Variants in PDK3 observed in about 807,000 individuals in gnomAD.
PDK3 encodes the protein pyruvate dehydrogenase kinase 3.
A neutral mutation model predicts 32.0 loss-of-function variants in PDK3; 12 were observed. That is an observed-to-expected ratio of 0.37 (90% CI 0.24 to 0.61). The LOEUF is 0.61. Ranked by LOEUF, PDK3 falls within the 20% of genes least tolerant of loss-of-function variation. The pLI, the probability that PDK3 is intolerant of heterozygous loss-of-function variation, is 0.65. For synonymous variants in PDK3, 122 were observed against 116.3 expected (o/e 1.05, Z -0.31); for missense variants, 188 against 316.9 (o/e 0.59, Z 3.09).
At chrX:24,491,217 G>A (rs1050503340) in intron 1 of PDK3, among the ~76,000 whole-genome samples, 4 of 107,090 alleles carry the variant, frequency 3.7e-5, no homozygotes, top group Non-Finnish European at 7.7e-5. Context: ...CAGAGGCTGA[G>A]GCAGGGAGAA....
Position 24,480,989 on chromosome X carries a change from T to G in PDK3, c.107-13753T>G, listed in dbSNP as rs188677025. The stretch of plus-strand genomic sequence containing the variant: ...TTATCCAAAATGTTGTTGGAGGCTT[T>G]CTGGATGGAGATCACAAAGAGAAGA... On this transcript the variant is annotated intron_variant, in intron 1 of 10. Transcript: ENST00000379162. Among the ~76,000 whole-genome samples the G allele has an allele frequency of 3.6e-5, 4 of 111,870 alleles. No individual in the cohort carries two copies. The East Asian group carries it at 1.1e-3, about 31-fold the overall frequency.
chrX:24,532,951 G>A (rs1250400877), intron 10 of PDK3, among the ~76,000 whole-genome samples: 2 of 110,184 alleles, frequency 1.8e-5, no homozygotes, highest in Non-Finnish European at 3.8e-5. Context: ...GAGCGCCAAC[G>A]TGATGCTTGC....
chrX:24,543,762 T>G (rs1012960111), exon 12 of PDK3, among the ~76,000 whole-genome samples: 1 of 112,285 alleles, frequency 8.9e-6, no homozygotes, highest in Non-Finnish European at 1.9e-5. Flanking sequence ...TTTCATTTTT[T>G]ATCTCTTTCT....
chrX:24,549,359 A>G (rs1047474998), exon 12 of PDK3: 1 of 112,067 alleles, frequency 8.9e-6, no homozygotes, highest in African/African-American at 3.2e-5. Flanking sequence ...ATTTTGACCA[A>G]TGAATTGTGC....
chrX:24,513,806 T>A (rs1338687913), intron 5 of PDK3: 2 of 111,908 alleles, frequency 1.8e-5, no homozygotes, highest in African/African-American at 6.5e-5. Flanking sequence ...TATTACCAGA[T>A]GACAGTAAAT....
chrX:24,505,203 G>T lies in PDK3; in HGVS notation c.506-6G>T. 8.4e-7 allele frequency: 1 copy of T among 1,189,983 alleles called. No homozygotes were observed. The highest frequency in any genetic ancestry group is 1.1e-6 in the Non-Finnish European group (1 of 878,823). On this transcript the variant is annotated splice_region_variant and splice_polypyrimidine_tract_variant and intron_variant, in intron 4 of 10. Transcript: ENST00000379162. ...ATCCCCTCCCTTTCCTTTTGTGTTC[G>T]TCTAGCACTTCTGTTTGGGGGTGAC...
chrX:24,543,677 G>A (rs1446780569), exon 12 of PDK3, among the ~76,000 whole-genome samples: 5 of 110,883 alleles, frequency 4.5e-5, no homozygotes, highest in East Asian at 5.7e-4. Context: ...TCAAACTCCC[G>A]ACCTCAAGTG....
At chrX:24,536,688 G>A (rs759733421), downstream of PDK3, among the ~76,000 whole-genome samples, 1 of 111,064 alleles carries the variant, frequency 9.0e-6, no homozygotes, top group South Asian at 3.8e-4. Flanking sequence ...ATAGTAAAGT[G>A]CACACATCTT....
At chrX:24,478,353 A>G (rs1326113185) in intron 1 of PDK3, among the ~76,000 whole-genome samples, 1 of 111,659 alleles carries the variant, frequency 9.0e-6, no homozygotes, top group East Asian at 2.8e-4. Context: ...CCAGCTACTC[A>G]GGAGGCTGAG....
At chrX:24,537,366 C>A (rs777937388), downstream of PDK3, among the ~76,000 whole-genome samples, 28 of 102,013 alleles carry the variant, frequency 2.7e-4, 1 homozygote, top group Admixed American at 2.8e-3. Flanking sequence ...CTCCTGACCT[C>A]AGGTGATCTG....
At chrX:24,491,177 G>C (rs1921548378) in intron 1 of PDK3, among the ~76,000 whole-genome samples, 1 of 108,968 alleles carries the variant, frequency 9.2e-6, no homozygotes, top group Non-Finnish European at 1.9e-5. Flanking sequence ...AGCCGGGCAT[G>C]GTGGCGGATG....
chrX:24,545,400 G>A (rs990486525), exon 12 of PDK3: 2 of 112,314 alleles, frequency 1.8e-5, no homozygotes, highest in Non-Finnish European at 3.8e-5. Context: ...AGCACACTGA[G>A]TTAATGTTTT....
At chrX:24,490,943 A>C (rs5986489) in intron 1 of PDK3, among the ~76,000 whole-genome samples, 42,172 of 109,586 alleles carry the variant, frequency 0.38, 6,259 homozygotes, top group African/African-American at 0.53. Context: ...TACTGATACT[A>C]CCAGTTTCAG....
At chrX:24,474,904 C>A (rs1921073299) in intron 1 of PDK3, among the ~76,000 whole-genome samples, 1 of 112,131 alleles carries the variant, frequency 8.9e-6, no homozygotes, top group Non-Finnish European at 1.9e-5. Context: ...CGCATTCTTA[C>A]TATTCTTAAA....
intron 6 of PDK3, among the ~76,000 whole-genome samples, chrX:24,522,508 T>C (rs1922422200): frequency 9.0e-6 from 1 of 111,333 alleles, no homozygotes; most frequent in Non-Finnish European, 1.9e-5. Flanking sequence ...TTCTTGAGAT[T>C]TGGGGTGAAA....
intron 1 of PDK3, among the ~76,000 whole-genome samples, chrX:24,487,912 A>G (rs1207854856): frequency 9.4e-6 from 1 of 105,908 alleles, no homozygotes; most frequent in East Asian, 3.0e-4. Flanking sequence ...GGTACTTACT[A>G]TCAATCACTT....
chrX:24,518,210 G>A (rs994084688), intron 5 of PDK3, among the ~76,000 whole-genome samples: 2 of 111,472 alleles, frequency 1.8e-5, no homozygotes, highest in East Asian at 2.8e-4. Context: ...AGCCAGGCAC[G>A]GTGGCTCATG....
chrX:24,469,662 C>T (rs1449251914), intron 1 of PDK3, among the ~76,000 whole-genome samples: 1 of 110,105 alleles, frequency 9.1e-6, no homozygotes, highest in African/African-American at 3.3e-5. Context: ...GTGGTGGTAT[C>T]GCACACCTGG....
At position 24,534,251 on chromosome X, in the gene PDK3, G is replaced by A; in HGVS notation, c.*179G>A. The A allele has an allele frequency of 1.1e-6, 1 of 948,235 alleles. No individual in the cohort carries two copies. The highest frequency in any genetic ancestry group is 1.3e-6 in the Non-Finnish European group (1 of 757,377). The allele number at this position is 948,235 out of a possible 1,213,427, so 78.1% of individuals were successfully genotyped here. ...GCAGTTTGTCCTCATAAACGTTGTA[G>A]GTTGAAACTGAAAAATAAGTTAAAA... is the stretch of plus-strand genomic sequence containing the variant. On this transcript the variant is annotated 3_prime_UTR_variant, in exon 11 of 11. Transcript: ENST00000379162.
Sources: allele counts gnomAD v4.1 joint callset (sites outside exome capture counted in the v4.1 genomes callset), GRCh38; gene constraint gnomAD v4.1.1; transcripts MANE v1.5; gene names NCBI Gene and HGNC (gene_info 2026-07-23, HGNC 2026-07-21).